Variants in DIS3L2 observed in about 807,000 individuals in gnomAD.
The protein encoded by DIS3L2 is DIS3-like exonuclease 2.
DIS3L2 carries 34 observed loss-of-function variants against 97.5 expected under a neutral mutation model. The observed-to-expected ratio is 0.35, with a 90% CI of 0.27 to 0.46. The LOEUF (loss-of-function observed/expected upper bound fraction) is 0.46. Among genes scored for constraint, DIS3L2 ranks in the 20% least tolerant of loss-of-function variants. DIS3L2 has a pLI of 1.00. For synonymous variants in DIS3L2, 435 were observed against 445.2 expected (o/e 0.98, Z 0.29); for missense variants, 1,038 against 1,146.0 (o/e 0.91, Z 1.36).
intron 9 of DIS3L2, among the ~76,000 whole-genome samples, chr2:232,181,701 C>T (rs776239319): frequency 4.8e-4 from 73 of 151,944 alleles, no homozygotes; most frequent in Non-Finnish European, 7.9e-4. Flanking sequence ...TGCAGTGGTG[C>T]GATCTCAGCT....
chr2:232,024,880 T>G (rs1173435479), intron 4 of DIS3L2, among the ~76,000 whole-genome samples: 1 of 152,166 alleles, frequency 6.6e-6, no homozygotes, highest in East Asian at 1.9e-4. Flanking sequence ...AAGAGGCTCT[T>G]TCCACTTAAA....
chr2:232,062,582 C>CG (rs1189148429), intron 5 of DIS3L2, among the ~76,000 whole-genome samples: 7 of 152,124 alleles, frequency 4.6e-5, no homozygotes, highest in African/African-American at 1.7e-4. Flanking sequence ...GTTCTTTGAA[C>CG]ACTTGTTTAT....
chr2:232,125,190 G>A (rs1698023673), intron 6 of DIS3L2, among the ~76,000 whole-genome samples: 1 of 152,248 alleles, frequency 6.6e-6, no homozygotes, highest in Non-Finnish European at 1.5e-5. Context: ...TCAAACTGCG[G>A]GGCTCCCATC....
chr2:232,068,352 G>A (rs951876289), intron 5 of DIS3L2, among the ~76,000 whole-genome samples: 6 of 150,724 alleles, frequency 4.0e-5, no homozygotes, highest in African/African-American at 1.2e-4. Context: ...CAGGAGGATC[G>A]CTTGAGCCCA....
exon 14 of DIS3L2, chr2:232,343,720 T>TA: frequency 1.2e-6 from 1 of 864,784 alleles, no homozygotes; most frequent in South Asian, 1.8e-5. Context: ...AAGTCAGAGT[T>TA]ACGGAGCTCG....
intron 1 of DIS3L2, among the ~76,000 whole-genome samples, chr2:231,993,763 ATTT>A (rs555244063): frequency 3.0e-5 from 4 of 135,550 alleles, no homozygotes; most frequent in Non-Finnish European, 3.2e-5. Flanking sequence ...TTCCAACTGC[ATTT>A]TTTTTTTTTT....
At chr2:232,070,220 C>T (rs567248134) in intron 5 of DIS3L2, among the ~76,000 whole-genome samples, 2 of 152,156 alleles carry the variant, frequency 1.3e-5, no homozygotes, top group Non-Finnish European at 2.9e-5. Context: ...GAGCCAAGAT[C>T]GTGCCACTGC....
At chr2:232,254,491 GT>G (rs1472633438) in intron 12 of DIS3L2, among the ~76,000 whole-genome samples, 1 of 114,926 alleles carries the variant, frequency 8.7e-6, no homozygotes, top group Non-Finnish European at 2.1e-5. Context: ...ATTTTCTAAT[GT>G]TTTTTGAAAA....
At chr2:232,330,581 C>T (rs1695705901) in intron 15 of DIS3L2, 109 bp from the exon 16 acceptor site, 2 of 1,161,782 alleles carry the variant, frequency 1.7e-6, no homozygotes, top group African/African-American at 1.5e-5. Context: ...GCCCCACAGG[C>T]AACTCCTCCC....
chr2:232,176,181 G>A (rs746699414), intron 9 of DIS3L2, among the ~76,000 whole-genome samples: 11 of 152,146 alleles, frequency 7.2e-5, no homozygotes, highest in Non-Finnish European at 1.3e-4. Flanking sequence ...GTGAGCCACC[G>A]CACCCGGCTT....
chr2:232,030,570 A>C (rs1310241460), intron 5 of DIS3L2, among the ~76,000 whole-genome samples: 1 of 152,232 alleles, frequency 6.6e-6, no homozygotes, highest in African/African-American at 2.4e-5. Flanking sequence ...TTTATAAATC[A>C]GGGATTTAGT....
chr2:232,263,470 CAGATTTGA>C, intron 13 of DIS3L2, 30 bp downstream of exon 13: 1 of 1,610,244 alleles, frequency 6.2e-7, no homozygotes. Flanking sequence ...GTGTAGCCAA[CAGATTTGA>C]CTCGTGCCTG....
chr2:232,167,855 G>A (rs1690871002), intron 9 of DIS3L2, among the ~76,000 whole-genome samples: 2 of 152,114 alleles, frequency 1.3e-5, no homozygotes, highest in African/African-American at 4.8e-5. Context: ...TTCGAGACCA[G>A]CCTGGCCAAC....
At chr2:232,019,982 G>A (rs903296375) in intron 3 of DIS3L2, among the ~76,000 whole-genome samples, 3 of 151,720 alleles carry the variant, frequency 2.0e-5, no homozygotes, top group Non-Finnish European at 4.4e-5. Flanking sequence ...AGATGAGAAT[G>A]AATCAGCCAA....
At chr2:232,021,877 A>G (rs1027688536) in intron 3 of DIS3L2, among the ~76,000 whole-genome samples, 3 of 152,160 alleles carry the variant, frequency 2.0e-5, no homozygotes, top group South Asian at 2.1e-4. Flanking sequence ...GAGAGAAGCA[A>G]TCACTTCAGG....
At chr2:232,100,386 T>C (rs1262422001) in intron 6 of DIS3L2, among the ~76,000 whole-genome samples, 1 of 151,984 alleles carries the variant, frequency 6.6e-6, no homozygotes, top group Admixed American at 6.6e-5. Flanking sequence ...TATTTGCCCT[T>C]AACTTTTTAA....
chr2:232,163,744 TG>T (rs1264828688), intron 9 of DIS3L2, 112 bp downstream of exon 9: 42 of 1,240,678 alleles, frequency 3.4e-5, no homozygotes, highest in Non-Finnish European at 4.2e-5. Flanking sequence ...TCAGTTCAGT[TG>T]GGAATAGGTG....
chr2:232,001,358 A>G (rs2106203675), intron 1 of DIS3L2, among the ~76,000 whole-genome samples: 1 of 152,272 alleles, frequency 6.6e-6, no homozygotes, highest in East Asian at 1.9e-4. Context: ...GTCTTTTGAG[A>G]AATGTCTACC....
chr2:232,202,774 C>G (rs929685288), intron 9 of DIS3L2, among the ~76,000 whole-genome samples: 4 of 152,158 alleles, frequency 2.6e-5, no homozygotes, highest in African/African-American at 9.7e-5. Flanking sequence ...CTAAATAGAC[C>G]ATAGACTTTT....
Sources: allele counts gnomAD v4.1 joint callset (sites outside exome capture counted in the v4.1 genomes callset), GRCh38; gene constraint gnomAD v4.1.1; transcripts MANE v1.5; gene names NCBI Gene and HGNC (gene_info 2026-07-23, HGNC 2026-07-21).